Variants in NAALADL2 observed in about 807,000 individuals in gnomAD.
NAALADL2 encodes the protein N-acetylated alpha-linked acidic dipeptidase like 2.
NAALADL2 carries 76 observed loss-of-function variants against 87.2 expected under a neutral mutation model. The ratio of observed to expected loss-of-function variants is 0.87; its 90% CI spans 0.72 to 1.05. The LOEUF is 1.05. NAALADL2 is among the 50% of genes least tolerant of loss of function. The pLI is 0.00. For missense variants in NAALADL2, 1,089 were observed against 945.8 expected, an observed-to-expected ratio of 1.15 and a Z score of -1.99; for synonymous variants, 354 against 331.0, an observed-to-expected ratio of 1.07 and a Z score of -0.75.
At chr3:174,489,266 T>C (rs1297738852) in intron 1 of NAALADL2, among the ~76,000 whole-genome samples, 1 of 152,018 alleles carries the variant, frequency 6.6e-6, no homozygotes, top group East Asian at 1.9e-4. Flanking sequence ...CTAATGGTGC[T>C]GAGGCAAGTA....
intron 5 of NAALADL2, among the ~76,000 whole-genome samples, chr3:175,409,315 C>T (rs930332723): frequency 6.6e-6 from 1 of 151,734 alleles, no homozygotes; most frequent in African/African-American, 2.4e-5. Flanking sequence ...GTTAATTGAG[C>T]TAAGTGCCTA....
chr3:175,348,651 C>T (rs1208960690), intron 5 of NAALADL2, among the ~76,000 whole-genome samples: 2 of 152,088 alleles, frequency 1.3e-5, no homozygotes, highest in Admixed American at 6.6e-5. Context: ...CTCCATCTCC[C>T]CATGGCTGTG....
intron 2 of NAALADL2, among the ~76,000 whole-genome samples, chr3:174,613,060 G>A (rs1720090292): frequency 6.6e-6 from 1 of 152,162 alleles, no homozygotes; most frequent in Non-Finnish European, 1.5e-5. Context: ...TACCTTGATG[G>A]TCTTGGACAA....
intron 9 of NAALADL2, among the ~76,000 whole-genome samples, chr3:175,544,486 A>T: frequency 6.6e-6 from 1 of 152,142 alleles, no homozygotes; most frequent in East Asian, 1.9e-4. Context: ...ACTTCCATAA[A>T]TTTTTACTGA....
chr3:175,328,254 T>A (rs903612830), intron 5 of NAALADL2, among the ~76,000 whole-genome samples: 6 of 152,194 alleles, frequency 3.9e-5, no homozygotes, highest in African/African-American at 1.4e-4. Flanking sequence ...TGGGATAGAA[T>A]CTGATACAGT....
At chr3:175,727,322 C>T (rs536089566) in intron 11 of NAALADL2, among the ~76,000 whole-genome samples, 1 of 152,258 alleles carries the variant, frequency 6.6e-6, no homozygotes, top group South Asian at 2.1e-4. Context: ...GAGCTATGGC[C>T]ATTCCACTAT....
intron 11 of NAALADL2, among the ~76,000 whole-genome samples, chr3:175,668,134 G>A (rs1733460041): frequency 6.6e-6 from 1 of 152,138 alleles, no homozygotes. Flanking sequence ...TCTCGTTGGA[G>A]TTTATTATTC....
rs1052319591 is a variant in NAALADL2, at chr3:175,363,649, T to C, written c.1090+39324T>C. 2.0e-5 allele frequency among the ~76,000 whole-genome samples: 3 copies of C among 148,078 alleles called. 1 individual carries two copies. The highest frequency in any genetic ancestry group is 7.4e-5 in the African/African-American group (3 of 40,728). ...TACCTTAATATGAAATCATTCTCTT[T>C]TACATTATTTTTATATCACTCTCAT... is the stretch of plus-strand genomic sequence containing the variant. On this transcript the variant is annotated intron_variant, in intron 5 of 13. Transcript: ENST00000454872.
intron 5 of NAALADL2, among the ~76,000 whole-genome samples, chr3:175,410,828 G>C (rs1055912366): frequency 1.3e-5 from 2 of 152,144 alleles, no homozygotes; most frequent in African/African-American, 2.4e-5. Context: ...CATAGGTTAC[G>C]ATGCTGTGAA....
At chr3:174,918,302 A>G (rs975107921) in intron 1 of NAALADL2, among the ~76,000 whole-genome samples, 58 of 152,132 alleles carry the variant, frequency 3.8e-4, no homozygotes, top group Admixed American at 3.3e-4. Flanking sequence ...TATATTTTGG[A>G]GTCAGTGTAT....
chr3:174,939,072 A>G (rs1478599222), intron 1 of NAALADL2, among the ~76,000 whole-genome samples: 1 of 152,078 alleles, frequency 6.6e-6, no homozygotes, highest in Non-Finnish European at 1.5e-5. Context: ...CTTGTCATGA[A>G]ATCTATGTCC....
At chr3:174,891,135 T>C (rs2109791053) in intron 1 of NAALADL2, among the ~76,000 whole-genome samples, 1 of 152,214 alleles carries the variant, frequency 6.6e-6, no homozygotes, top group South Asian at 2.1e-4. Flanking sequence ...TATTAAGTAA[T>C]AGATAAGTAA....
chr3:175,516,025 C>T (rs972231265), intron 9 of NAALADL2, among the ~76,000 whole-genome samples: 7 of 152,130 alleles, frequency 4.6e-5, no homozygotes, highest in Admixed American at 3.9e-4. Flanking sequence ...TTAGGGAAAA[C>T]GTTTATGACA....
chr3:175,132,571 C>T (rs1474666798), intron 2 of NAALADL2, among the ~76,000 whole-genome samples: 1 of 101,620 alleles, frequency 9.8e-6, no homozygotes, highest in Non-Finnish European at 2.0e-5. Flanking sequence ...CTGACCCCCC[C>T]ACCTCCCTCC....
chr3:175,614,620 G>T (rs909939781), intron 10 of NAALADL2, among the ~76,000 whole-genome samples: 2 of 152,096 alleles, frequency 1.3e-5, no homozygotes, highest in African/African-American at 4.8e-5. Flanking sequence ...AGTGATTCAG[G>T]TTAGTGTTTT....
rs114627767 is a variant in NAALADL2 at position 174,754,424 on chromosome 3, T to C, written c.-9+16678T>C. ...GAATGAAGATTAACAAAGTATAAAATAAGGAAAGTATATTTCCACGTATGC... is the reference window on the plus strand; with the variant it reads ...GAATGAAGATTAACAAAGTATAAAACAAGGAAAGTATATTTCCACGTATGC... On this transcript the variant is annotated intron_variant, in intron 3 of 3. Transcript: ENST00000434257. 7.4e-3 allele frequency among the ~76,000 whole-genome samples: 1,113 copies of C among 150,984 alleles called. 9 individuals carry two copies. The highest frequency in any genetic ancestry group is 0.013 in the Non-Finnish European group (863 of 67,760).
At chr3:175,604,599 C>T (rs755851643) in intron 10 of NAALADL2, among the ~76,000 whole-genome samples, 5 of 152,134 alleles carry the variant, frequency 3.3e-5, no homozygotes, top group Non-Finnish European at 7.3e-5. Flanking sequence ...GCACCACGCC[C>T]AGCCGAAATT....
In NAALADL2 at chr3:175,582,818, C is replaced by T. The variant is rs1198325247; in HGVS notation, c.1800+6631C>T. The stretch of plus-strand genomic sequence containing the variant: ...TTCTCATCATTGACTTCCATTTAAC[C>T]AACACGCAGAACTGATTGACAATTT... On this transcript the variant is annotated intron_variant, in intron 10 of 13. Transcript: ENST00000454872. 2.6e-5 allele frequency among the ~76,000 whole-genome samples: 4 copies of T among 152,074 alleles called. No individual in the cohort carries two copies. In the East Asian group the frequency reaches 7.7e-4, roughly 29 times the overall value.
intron 13 of NAALADL2, among the ~76,000 whole-genome samples, chr3:175,782,234 C>T (rs533758750): frequency 1.9e-5 from 2 of 106,078 alleles, no homozygotes; most frequent in African/African-American, 3.7e-5. Flanking sequence ...AATGGGATGG[C>T]TGGGTCAAAT....
Sources: allele counts gnomAD v4.1 joint callset (sites outside exome capture counted in the v4.1 genomes callset), GRCh38; gene constraint gnomAD v4.1.1; transcripts MANE v1.5; gene names NCBI Gene and HGNC (gene_info 2026-07-23, HGNC 2026-07-21).